RAI14: variants seen among roughly 807,000 people sequenced by gnomAD.
RAI14 encodes ankycorbin.
Under a neutral mutation model 115.4 loss-of-function variants are expected in RAI14, and 45 were observed. The observed-to-expected ratio is 0.39, with a 90% CI of 0.31 to 0.50. The LOEUF (loss-of-function observed/expected upper bound fraction) is 0.50. Among genes scored for constraint, RAI14 ranks in the 20% least tolerant of loss-of-function variants. The pLI is 0.85. For missense variants in RAI14, 939 were observed against 1,131.2 expected (o/e 0.83, Z 2.44); for synonymous variants, 371 against 415.4 (o/e 0.89, Z 1.30).
chr5:34,806,785 C>T (rs752014015), intron 5 of RAI14, among the ~76,000 whole-genome samples: 44 of 152,262 alleles, frequency 2.9e-4, no homozygotes, highest in Non-Finnish European at 4.7e-4. Flanking sequence ...GCTAATAAGA[C>T]ATCAGAGCAG....
At chr5:34,775,540 C>T (rs1750729093) in intron 3 of RAI14, among the ~76,000 whole-genome samples, 1 of 152,182 alleles carries the variant, frequency 6.6e-6, no homozygotes. Context: ...CAAGACCAGC[C>T]TGGGCAACAT....
chr5:34,776,699 C>T (rs760946091), intron 3 of RAI14, among the ~76,000 whole-genome samples: 12 of 151,510 alleles, frequency 7.9e-5, no homozygotes, highest in East Asian at 1.9e-4. Context: ...TGCAACTATT[C>T]GGGAGACTGA....
intron 4 of RAI14, 64 bp downstream of exon 4, chr5:34,796,091 C>T: frequency 7.6e-7 from 1 of 1,318,684 alleles, no homozygotes; most frequent in Non-Finnish European, 1.1e-6. Context: ...AAAAGTAATA[C>T]ATATTCATTA....
chr5:34,812,956 G>A (rs986403515), intron 10 of RAI14, among the ~76,000 whole-genome samples: 1 of 152,168 alleles, frequency 6.6e-6, no homozygotes, highest in Non-Finnish European at 1.5e-5. Flanking sequence ...ACGTCATGTG[G>A]TGTTACACAA....
chr5:34,803,556 CA>C (rs1561056780), intron 4 of RAI14, among the ~76,000 whole-genome samples, 155 bp from the exon 5 acceptor site: 1 of 123,392 alleles, frequency 8.1e-6, no homozygotes, highest in Non-Finnish European at 1.8e-5. Context: ...GACCCTGTCT[CA>C]AAAAACAAAA....
chr5:34,765,715 C>G (rs189276059), intron 3 of RAI14, among the ~76,000 whole-genome samples: 8 of 152,210 alleles, frequency 5.3e-5, no homozygotes, highest in Non-Finnish European at 8.8e-5. Context: ...TGTGGAGAAA[C>G]TCAAGCCAGC....
At chr5:34,818,171 T>C (rs1426701554) in intron 12 of RAI14, among the ~76,000 whole-genome samples, 1 of 152,208 alleles carries the variant, frequency 6.6e-6, no homozygotes. Context: ...GTCACTGTAA[T>C]GTTTTGAAAT....
rs145093308 is a variant in RAI14 at position 34,804,716 on chromosome 5, A to G, written c.321+940A>G. Among the ~76,000 whole-genome samples, 95 of 152,318 alleles carry G rather than the reference A, an allele frequency of 6.2e-4. 1 individual carries two copies. Among genetic ancestry groups the G allele is most frequent in the African/African-American group, 2.1e-3 (88 of 41,572 alleles). On this transcript the variant is annotated intron_variant, in intron 5 of 17. Coordinates refer to ENST00000265109, the MANE Select transcript of RAI14 (RefSeq NM_015577.3). ...GGTCTTTGAAGCTAAATTCAAGAAA[A>G]ATAGATTAATGTCTGTGATGTTGTA...
At chr5:34,692,549 A>C (rs1738764359) in intron 2 of RAI14, among the ~76,000 whole-genome samples, 1 of 152,108 alleles carries the variant, frequency 6.6e-6, no homozygotes, top group Non-Finnish European at 1.5e-5. Context: ...ATATAAAATA[A>C]AATAAAATCC....
At chr5:34,717,457 A>C (rs1328701104) in intron 2 of RAI14, among the ~76,000 whole-genome samples, 1 of 152,224 alleles carries the variant, frequency 6.6e-6, no homozygotes, top group Non-Finnish European at 1.5e-5. Context: ...CGACTTCATT[A>C]GGATGTTGTA....
At chr5:34,690,080 G>A (rs1353006338) in intron 2 of RAI14, among the ~76,000 whole-genome samples, 1 of 152,154 alleles carries the variant, frequency 6.6e-6, no homozygotes, top group African/African-American at 2.4e-5. Context: ...TGAGAGCTGG[G>A]GAAGAGAGGC....
At chr5:34,801,363 C>T (rs1345779250) in intron 4 of RAI14, among the ~76,000 whole-genome samples, 2 of 152,224 alleles carry the variant, frequency 1.3e-5, no homozygotes, top group East Asian at 3.8e-4. Flanking sequence ...CTATGGCCCA[C>T]TAGTTTTTAA....
chr5:34,784,491 G>A (rs1752048461), intron 3 of RAI14, among the ~76,000 whole-genome samples: 1 of 152,202 alleles, frequency 6.6e-6, no homozygotes, highest in South Asian at 2.1e-4. Flanking sequence ...TGCTGTATTT[G>A]TGCCTTTGTG....
At chr5:34,784,239 G>T (rs1752017127) in intron 3 of RAI14, among the ~76,000 whole-genome samples, 1 of 152,212 alleles carries the variant, frequency 6.6e-6, no homozygotes, top group Non-Finnish European at 1.5e-5. Flanking sequence ...TGCTTTTTGA[G>T]CTGAAGTATA....
chr5:34,668,325 C>T (rs1266728799), intron 1 of RAI14, among the ~76,000 whole-genome samples: 20 of 150,524 alleles, frequency 1.3e-4, no homozygotes, highest in African/African-American at 4.9e-4. Flanking sequence ...ACTCGGGAAG[C>T]GGAGGTTGCA....
chr5:34,715,950 A>G (rs1561270160), intron 2 of RAI14: 8 of 320,454 alleles, frequency 2.5e-5, no homozygotes, highest in South Asian at 2.0e-4. Context: ...AGGCTTTTTT[A>G]AAAAAAGAAA....
At chr5:34,675,321 T>C (rs1743900809) in intron 1 of RAI14, among the ~76,000 whole-genome samples, 1 of 152,252 alleles carries the variant, frequency 6.6e-6, no homozygotes. Context: ...CACCACCATC[T>C]AGTTTTAGAA....
At chr5:34,698,789 T>G (rs1739661740) in intron 2 of RAI14, among the ~76,000 whole-genome samples, 1 of 152,168 alleles carries the variant, frequency 6.6e-6, no homozygotes, top group South Asian at 2.1e-4. Flanking sequence ...TCAAGTTGAT[T>G]ACATTTTCAC....
chr5:34,801,899 C>A (rs1754319801), intron 4 of RAI14, among the ~76,000 whole-genome samples: 1 of 151,892 alleles, frequency 6.6e-6, no homozygotes, highest in South Asian at 2.1e-4. Flanking sequence ...AGCAAGACCC[C>A]CAGCTCTACC....
Sources: gnomAD v4.1 joint callset for allele counts (sites outside exome capture counted in the v4.1 genomes callset) on GRCh38, gnomAD v4.1.1 for gene constraint, MANE v1.5 for transcripts, NCBI Gene and HGNC (gene_info 2026-07-23, HGNC 2026-07-21) for gene names.